The following VEPH1 variants were observed in gnomAD, a reference collection of about 807,000 sequenced individuals.
The protein encoded by VEPH1 is ventricular zone-expressed PH domain-containing protein homolog 1.
VEPH1 carries 80 observed loss-of-function variants against 85.2 expected under a neutral mutation model. That is an observed-to-expected ratio of 0.94 (90% confidence interval 0.78 to 1.13). The LOEUF is 1.13. VEPH1 is among the 50% of genes most tolerant of loss of function. VEPH1 has a pLI of 0.00. For missense variants in VEPH1, 955 were observed against 980.5 expected (o/e 0.97, Z 0.35); for synonymous variants, 297 against 348.0 (o/e 0.85, Z 1.63).
intron 5 of VEPH1, among the ~76,000 whole-genome samples, chr3:157,416,526 T>C (rs1018459153): frequency 6.6e-6 from 1 of 152,180 alleles, no homozygotes; most frequent in Non-Finnish European, 1.5e-5. Context: ...CAGGGCAACA[T>C]ACTTAACCTC....
intron 2 of VEPH1, among the ~76,000 whole-genome samples, chr3:157,484,893 ATAC>A (rs1301028579): frequency 6.6e-6 from 1 of 152,200 alleles, no homozygotes; most frequent in Non-Finnish European, 1.5e-5. Flanking sequence ...TTAATTGAGC[ATAC>A]TAGACTCTCA....
intron 3 of VEPH1, among the ~76,000 whole-genome samples, chr3:157,467,822 G>A (rs1009873): frequency 0.43 from 66,004 of 151,958 alleles, 14,875 homozygotes; most frequent in African/African-American, 0.55. Context: ...TTTCTCTTTC[G>A]CTTCCCAAAA....
At chr3:157,434,275 G>C (rs780908535) in intron 4 of VEPH1, among the ~76,000 whole-genome samples, 1 of 152,002 alleles carries the variant, frequency 6.6e-6, no homozygotes, top group Non-Finnish European at 1.5e-5. Flanking sequence ...GCTTTTGTAA[G>C]TGATGTATAG....
chr3:157,327,222 A>G (rs1722007678), intron 9 of VEPH1, among the ~76,000 whole-genome samples: 1 of 152,166 alleles, frequency 6.6e-6, no homozygotes, highest in Non-Finnish European at 1.5e-5. Context: ...CCACCACCAC[A>G]AGGGAGCAGG....
At chr3:157,360,691 C>T (rs1725960262) in intron 9 of VEPH1, among the ~76,000 whole-genome samples, 2 of 152,032 alleles carry the variant, frequency 1.3e-5, no homozygotes, top group South Asian at 4.1e-4. Flanking sequence ...TTGGGCAAAA[C>T]AATCTAACAC....
intron 4 of VEPH1, chr3:157,459,774 T>C: frequency 6.8e-7 from 1 of 1,464,562 alleles, no homozygotes; most frequent in Non-Finnish European, 9.0e-7. Context: ...ATGTATTTTA[T>C]CTAACAAAAG....
chr3:157,407,250 AGTTT>A (rs1263762461), intron 6 of VEPH1, among the ~76,000 whole-genome samples: 1 of 152,152 alleles, frequency 6.6e-6, no homozygotes, highest in Non-Finnish European at 1.5e-5. Context: ...CTTCATATTT[AGTTT>A]AAGAGTTTTT....
chr3:157,312,900 A>ATTTTTTTTT (rs140277345), intron 11 of VEPH1, among the ~76,000 whole-genome samples: 2 of 98,082 alleles, frequency 2.0e-5, no homozygotes, highest in African/African-American at 4.2e-5. Context: ...AAAAAAAAAC[A>ATTTTTTTTT]TTTTTTTTTT....
chr3:157,487,946 A>G lies in VEPH1; in HGVS notation c.138+7266T>C, dbSNP rs924586766. Reference sequence around the variant, plus strand: ...AGCAAACATTATGCTTACACTGAAAAGTCAGAAAATTCTCTTTAAATAAAA... The same window carrying G: ...AGCAAACATTATGCTTACACTGAAAGGTCAGAAAATTCTCTTTAAATAAAA... On this transcript the variant is annotated intron_variant, in intron 2 of 13. Coordinates refer to ENST00000362010, the MANE Select transcript of VEPH1 (RefSeq NM_001167912.2). 2.6e-5 allele frequency among the ~76,000 whole-genome samples: 4 copies of G among 152,170 alleles called. No individual in the cohort carries two copies. In the East Asian group the frequency reaches 7.7e-4, roughly 29 times the overall value.
chr3:157,501,052 T>C (rs991680541), intron 1 of VEPH1, among the ~76,000 whole-genome samples: 2 of 152,220 alleles, frequency 1.3e-5, no homozygotes, highest in African/African-American at 2.4e-5. Flanking sequence ...TTCCTATAGA[T>C]GGTCCACCAG....
intron 5 of VEPH1, among the ~76,000 whole-genome samples, chr3:157,420,885 TA>T (rs1233770895): frequency 6.6e-6 from 1 of 152,194 alleles, no homozygotes; most frequent in East Asian, 1.9e-4. Flanking sequence ...CAGATATGCT[TA>T]TATGTGTTAC....
chr3:157,490,746 A>C (rs1739147745), intron 2 of VEPH1, among the ~76,000 whole-genome samples: 1 of 152,138 alleles, frequency 6.6e-6, no homozygotes, highest in South Asian at 2.1e-4. Flanking sequence ...AAACCCTAAA[A>C]CCTGTTGTTT....
intron 4 of VEPH1, among the ~76,000 whole-genome samples, chr3:157,441,862 T>C (rs1056773059): frequency 2.6e-5 from 4 of 151,998 alleles, no homozygotes; most frequent in Non-Finnish European, 5.9e-5. Flanking sequence ...AGAATTTTGC[T>C]GAAAAATGCA....
At chr3:157,427,863 G>A (rs977610682) in intron 5 of VEPH1, among the ~76,000 whole-genome samples, 1 of 152,206 alleles carries the variant, frequency 6.6e-6, no homozygotes, top group African/African-American at 2.4e-5. Flanking sequence ...GATGAGATTA[G>A]CATTTGAATG....
At chr3:157,451,863 A>G (rs1378797) in intron 4 of VEPH1, among the ~76,000 whole-genome samples, 99,765 of 151,968 alleles carry the variant, frequency 0.66, 33,303 homozygotes, top group African/African-American at 0.77. Flanking sequence ...ACACTGAGAT[A>G]AAAAAACATC....
At chr3:157,292,066 A>G (rs1460700365) in intron 11 of VEPH1, among the ~76,000 whole-genome samples, 1 of 152,206 alleles carries the variant, frequency 6.6e-6, no homozygotes, top group East Asian at 1.9e-4. Context: ...TCATCAATAT[A>G]GTATGTTGAC....
intron 12 of VEPH1, among the ~76,000 whole-genome samples, chr3:157,279,817 A>G (rs1407090583): frequency 1.3e-5 from 2 of 152,078 alleles, no homozygotes; most frequent in African/African-American, 4.8e-5. Flanking sequence ...AGAGATTGAG[A>G]TCATCCTGGC....
At chr3:157,346,300 C>A (rs1262204414) in intron 9 of VEPH1, among the ~76,000 whole-genome samples, 1 of 152,142 alleles carries the variant, frequency 6.6e-6, no homozygotes, top group Non-Finnish European at 1.5e-5. Context: ...GAAGATCTTA[C>A]AAAGTATACC....
chr3:157,276,381 A>G (rs1715386660), intron 12 of VEPH1, among the ~76,000 whole-genome samples: 1 of 152,238 alleles, frequency 6.6e-6, no homozygotes, highest in African/African-American at 2.4e-5. Flanking sequence ...TAGAATGCAC[A>G]TTTCCAGGAA....
Sources: gnomAD v4.1 joint callset for allele counts (sites outside exome capture counted in the v4.1 genomes callset) on GRCh38, gnomAD v4.1.1 for gene constraint, MANE v1.5 for transcripts, NCBI Gene and HGNC (gene_info 2026-07-23, HGNC 2026-07-21) for gene names.